The following PAX7 variants were observed in gnomAD, a reference collection of about 807,000 sequenced individuals.
PAX7 encodes the protein paired box 7.
A neutral mutation model predicts 50.7 loss-of-function variants in PAX7; 18 were observed. The ratio of observed to expected loss-of-function variants is 0.36; its 90% CI spans 0.25 to 0.53. PAX7 has a LOEUF of 0.53. Ranked by LOEUF, PAX7 falls within the 20% of genes least tolerant of loss-of-function variation. The probability of loss-of-function intolerance (pLI) is 0.93; values close to 1 mark genes in which losing one functional copy is unlikely to be tolerated. For missense variants in PAX7, 644 were observed against 702.9 expected, an observed-to-expected ratio of 0.92 and a Z score of 0.95; for synonymous variants, 310 against 290.4, an observed-to-expected ratio of 1.07 and a Z score of -0.69.
At chr1:18,660,902 G>T (rs901737683) in intron 4 of PAX7, among the ~76,000 whole-genome samples, 1 of 152,168 alleles carries the variant, frequency 6.6e-6, no homozygotes, top group Non-Finnish European at 1.5e-5. Flanking sequence ...CTTGACCCTC[G>T]GTTTTCTTGG....
At chr1:18,696,217 C>G (rs2089148369) in intron 5 of PAX7, among the ~76,000 whole-genome samples, 1 of 152,108 alleles carries the variant, frequency 6.6e-6, no homozygotes, top group Non-Finnish European at 1.5e-5. Context: ...AGGTGCCCAC[C>G]ACCATGCCTG....
At chr1:18,666,970 G>A (rs1171440157) in intron 4 of PAX7, among the ~76,000 whole-genome samples, 1 of 152,124 alleles carries the variant, frequency 6.6e-6, no homozygotes, top group Non-Finnish European at 1.5e-5. Flanking sequence ...GAGGGAGTGG[G>A]GGTCCTCTGG....
intron 8 of PAX7, among the ~76,000 whole-genome samples, chr1:18,736,910 G>A (rs552066600): frequency 1.2e-4 from 19 of 152,374 alleles, no homozygotes; most frequent in Admixed American, 1.2e-3. Flanking sequence ...TGGCCACTGT[G>A]CTGGACAGCT....
chr1:18,725,711 G>A (rs565631545), intron 7 of PAX7, among the ~76,000 whole-genome samples: 3 of 152,150 alleles, frequency 2.0e-5, no homozygotes, highest in Non-Finnish European at 4.4e-5. Context: ...CCCGAGCCTC[G>A]CCGCTCCGAG....
Position 18,636,176 on chromosome 1 carries a change from C to T in PAX7, c.452-61C>T. On this transcript the variant is annotated intron_variant, in intron 3 of 8. Transcript: ENST00000420770. The surrounding 1 kb of genome is among the most constrained non-coding windows in gnomAD (Gnocchi z 5.1). The stretch of plus-strand genomic sequence containing the variant: ...CCTGACTTTCTCCCAGGGGCCCAGG[C>T]CACCGCTCGCTCCTCTGCTCCAACA... 4 of 1,573,702 alleles carry T rather than the reference C, an allele frequency of 2.5e-6. No individual in the cohort carries two copies. The highest frequency in any genetic ancestry group is 8.7e-7 in the Non-Finnish European group (1 of 1,155,048).
chr1:18,704,481 A>G (rs1432483354), intron 7 of PAX7, among the ~76,000 whole-genome samples: 1 of 152,166 alleles, frequency 6.6e-6, no homozygotes, highest in Admixed American at 6.5e-5. Context: ...TTAGCCAGGC[A>G]TGATGGCAGG....
chr1:18,702,901 C>G (rs77692122), intron 6 of PAX7, among the ~76,000 whole-genome samples, 193 bp from the exon 7 acceptor site: 2,217 of 152,242 alleles, frequency 0.015, 21 homozygotes, highest in Middle Eastern at 0.071. Flanking sequence ...GGTTGTCAGT[C>G]AAGACCTGGC....
chr1:18,636,205 T>G lies in PAX7; in HGVS notation c.452-32T>G, dbSNP rs757065242. The G allele has an allele frequency of 4.3e-6, 7 of 1,610,936 alleles. No homozygotes were observed. Among genetic ancestry groups the G allele is most frequent in the Non-Finnish European group, 5.9e-6 (7 of 1,177,912 alleles). ...CGCTCGCTCCTCTGCTCCAACAACT[T>G]ATACTTGCTCTTTTGCCTTTGAATT... On this transcript the variant is annotated intron_variant, in intron 3 of 8. Coordinates refer to ENST00000420770, the MANE Select transcript of PAX7 (RefSeq NM_001135254.2). The surrounding 1 kb of genome is among the most constrained non-coding windows in gnomAD (Gnocchi z 5.1).
intron 4 of PAX7, among the ~76,000 whole-genome samples, chr1:18,683,401 A>C (rs2088926797): frequency 6.7e-6 from 1 of 148,794 alleles, no homozygotes; most frequent in African/African-American, 2.6e-5. Flanking sequence ...GTGCCGTAAG[A>C]TACCAAGTCA....
At chr1:18,649,735 A>T (rs1164547241) in intron 4 of PAX7, among the ~76,000 whole-genome samples, 1 of 152,232 alleles carries the variant, frequency 6.6e-6, no homozygotes, top group Non-Finnish European at 1.5e-5. Context: ...TCCTTTCAAC[A>T]GCAAGGGAAA....
At chr1:18,725,979 A>AGTGTGT (rs112228737) in intron 7 of PAX7, among the ~76,000 whole-genome samples, 17,084 of 145,498 alleles carry the variant, frequency 0.12, 1,057 homozygotes, top group Non-Finnish European at 0.14. Context: ...ACATTGGAAG[A>AGTGTGT]GTGTGTGTGT....
intron 4 of PAX7, among the ~76,000 whole-genome samples, chr1:18,662,432 A>G (rs1004762632): frequency 2.6e-5 from 4 of 152,148 alleles, no homozygotes; most frequent in African/African-American, 7.2e-5. Context: ...TCATTCATTC[A>G]TTCATTCATT....
intron 4 of PAX7, among the ~76,000 whole-genome samples, chr1:18,640,855 A>C (rs1286937900): frequency 3.3e-5 from 2 of 61,098 alleles, no homozygotes; most frequent in African/African-American, 6.3e-5. Context: ...GCTGGGGGGG[A>C]TGGGGCGAGC....
At chr1:18,660,466 T>A (rs2088584072) in intron 4 of PAX7, among the ~76,000 whole-genome samples, 1 of 151,852 alleles carries the variant, frequency 6.6e-6, no homozygotes, top group Non-Finnish European at 1.5e-5. Context: ...AAGTGGGGGA[T>A]GATTGAGGCC....
chr1:18,669,913 G>T (rs184760650), intron 4 of PAX7, among the ~76,000 whole-genome samples: 1 of 151,958 alleles, frequency 6.6e-6, no homozygotes, highest in Admixed American at 6.6e-5. Context: ...GTGAAACCCC[G>T]TCTCTACTAA....
intron 4 of PAX7, among the ~76,000 whole-genome samples, chr1:18,678,314 G>A (rs748814461): frequency 2.6e-5 from 4 of 151,944 alleles, no homozygotes; most frequent in Admixed American, 6.6e-5. Flanking sequence ...CAGGAGAATC[G>A]CTTGAACCCA....
At chr1:18,683,643 C>T (rs780958532) in intron 4 of PAX7, among the ~76,000 whole-genome samples, 8 of 152,114 alleles carry the variant, frequency 5.3e-5, no homozygotes, top group Non-Finnish European at 5.9e-5. Flanking sequence ...AGTTTGAGAC[C>T]AGCCTGGCCA....
At chr1:18,696,057 T>C (rs2089145420) in intron 5 of PAX7, among the ~76,000 whole-genome samples, 1 of 143,010 alleles carries the variant, frequency 7.0e-6, no homozygotes, top group Admixed American at 7.1e-5. Context: ...TCATGGTGCA[T>C]TTCTTTTCTT....
chr1:18,669,050 T>C (rs925666384), intron 4 of PAX7, among the ~76,000 whole-genome samples: 1 of 152,222 alleles, frequency 6.6e-6, no homozygotes, highest in East Asian at 1.9e-4. Flanking sequence ...CCCAGGAGGA[T>C]GTGCTAAGCA....
Sources: gnomAD v4.1 joint callset for allele counts (sites outside exome capture counted in the v4.1 genomes callset) on GRCh38, gnomAD v4.1.1 for gene constraint, Gnocchi (gnomAD v3.1) non-coding constraint, MANE v1.5 for transcripts, NCBI Gene and HGNC (gene_info 2026-07-23, HGNC 2026-07-21) for gene names.